The following MCF2L2 variants were observed in gnomAD, a reference collection of about 807,000 sequenced individuals.
MCF2L2 encodes the protein probable guanine nucleotide exchange factor MCF2L2.
Under a neutral mutation model 150.2 loss-of-function variants are expected in MCF2L2, and 102 were observed. The observed-to-expected ratio is 0.68, with a 90% CI of 0.58 to 0.80. The LOEUF is 0.80. MCF2L2 is among the 30% of genes least tolerant of loss of function. MCF2L2 has a pLI of 0.00. For missense variants in MCF2L2, 1,256 were observed against 1,372.8 expected, an observed-to-expected ratio of 0.91 and a Z score of 1.34; for synonymous variants, 465 against 491.3, an observed-to-expected ratio of 0.95 and a Z score of 0.71.
rs950582033 is a variant in MCF2L2 at position 183,256,470 on chromosome 3, A to G, written c.1862+20402T>C. Among the ~76,000 whole-genome samples the G allele has an allele frequency of 3.3e-5, 5 of 152,364 alleles. No individual in the cohort carries two copies. In the East Asian group the frequency reaches 9.6e-4, roughly 29 times the overall value. On this transcript the variant is annotated intron_variant, in intron 15 of 29. Coordinates refer to ENST00000328913, the MANE Select transcript of MCF2L2 (RefSeq NM_015078.4). ...TTGAATAAAAAAGCGATTTTTTAGA[A>G]ACATTTTAATTCTACAAATTCAGTT...
chr3:183,366,337 G>A (rs908458995), intron 3 of MCF2L2, among the ~76,000 whole-genome samples: 6 of 152,052 alleles, frequency 3.9e-5, no homozygotes, highest in Non-Finnish European at 7.4e-5. Flanking sequence ...AATGTTCAAG[G>A]TACTGTTAAG....
At chr3:183,210,192 T>G (rs1668107501) in intron 22 of MCF2L2, among the ~76,000 whole-genome samples, 1 of 152,164 alleles carries the variant, frequency 6.6e-6, no homozygotes. Flanking sequence ...GAGGATCACT[T>G]GAGTCCAGGA....
chr3:183,337,106 A>T (rs1489095640), intron 5 of MCF2L2, among the ~76,000 whole-genome samples: 1 of 151,846 alleles, frequency 6.6e-6, no homozygotes, highest in Non-Finnish European at 1.5e-5. Context: ...TCAGTACTTC[A>T]CTCTTTTTTA....
intron 1 of MCF2L2, among the ~76,000 whole-genome samples, chr3:183,424,367 T>C (rs1435134635): frequency 1.3e-5 from 2 of 152,230 alleles, no homozygotes; most frequent in Non-Finnish European, 2.9e-5. Flanking sequence ...TCATGTTTAC[T>C]TTCAAATGGG....
intron 5 of MCF2L2, among the ~76,000 whole-genome samples, chr3:183,331,964 G>C (rs183491084): frequency 2.6e-5 from 4 of 152,134 alleles, no homozygotes; most frequent in Non-Finnish European, 5.9e-5. Flanking sequence ...TTACATCCTT[G>C]ACCCACCTGA....
At position 183,380,259 on chromosome 3, in the gene MCF2L2, C is replaced by T. The variant is rs77818434; in HGVS notation, c.161-848G>A. On this transcript the variant is annotated intron_variant, in intron 2 of 29. Coordinates refer to ENST00000328913, the MANE Select transcript of MCF2L2 (RefSeq NM_015078.4). ...TAGCCCCACAGTCCCCAAACTGTGT[C>T]GCAGGTAAGCAGGGAACCACAGTAA... 6.8e-3 allele frequency among the ~76,000 whole-genome samples: 1,039 copies of T among 152,234 alleles called. 13 individuals carry two copies. Among genetic ancestry groups the T allele is most frequent in the African/African-American group, 0.024 (981 of 41,520 alleles).
At chr3:183,412,924 T>C (rs779252257) in intron 1 of MCF2L2, among the ~76,000 whole-genome samples, 8 of 152,204 alleles carry the variant, frequency 5.3e-5, no homozygotes, top group Non-Finnish European at 1.0e-4. Context: ...TGTTTGTTTT[T>C]TATCAAGATA....
rs143229104 is a variant in MCF2L2 at position 183,305,251 on chromosome 3, T to C, written c.1113+4465A>G. On this transcript the variant is annotated intron_variant, in intron 10 of 29. Transcript: ENST00000328913. This position sits in a 1 kb window ranked among gnomAD's most constrained non-coding sequence, Gnocchi z 4.1. ...GTTCTGCCTAAACTTAGAGACCTCA[T>C]TTGGTTGCTCGAACTTGTCTGACTT... 0.013 allele frequency among the ~76,000 whole-genome samples: 1,988 copies of C among 152,200 alleles called. 22 individuals carry two copies. The highest frequency in any genetic ancestry group is 0.019 in the Non-Finnish European group (1,285 of 68,002).
intron 15 of MCF2L2, among the ~76,000 whole-genome samples, chr3:183,244,609 T>C (rs1478733811): frequency 6.6e-6 from 1 of 152,196 alleles, no homozygotes; most frequent in Admixed American, 6.5e-5. Context: ...TAAAAGCAGA[T>C]ATAAACTTAA....
intron 16 of MCF2L2, among the ~76,000 whole-genome samples, chr3:183,230,710 C>T (rs1043711722): frequency 6.6e-6 from 1 of 152,098 alleles, no homozygotes; most frequent in African/African-American, 2.4e-5. Flanking sequence ...GATGGTAAAC[C>T]TATTTGGGCT....
At chr3:183,204,887 A>G (rs1180898484) in intron 25 of MCF2L2, among the ~76,000 whole-genome samples, 1 of 152,332 alleles carries the variant, frequency 6.6e-6, no homozygotes, top group East Asian at 1.9e-4. Context: ...ACGCAAAGTG[A>G]AAGAAGCTAG....
chr3:183,365,902 G>A (rs988827648), intron 3 of MCF2L2, among the ~76,000 whole-genome samples: 2 of 151,796 alleles, frequency 1.3e-5, no homozygotes, highest in South Asian at 2.1e-4. Context: ...AAAAAAATGA[G>A]AGAAAAATAA....
At chr3:183,338,689 C>T in intron 5 of MCF2L2, 111 bp downstream of exon 5, 1 of 1,137,494 alleles carries the variant, frequency 8.8e-7, no homozygotes, top group Non-Finnish European at 1.2e-6. Flanking sequence ...CCCAGAGAAC[C>T]CTTTTCTCCC....
At chr3:183,210,489 A>T (rs560323994) in intron 22 of MCF2L2, among the ~76,000 whole-genome samples, 36 of 152,310 alleles carry the variant, frequency 2.4e-4, no homozygotes, top group African/African-American at 8.2e-4. Flanking sequence ...CATAAGAAAC[A>T]TTTCTCCCAG....
At chr3:183,278,943 TG>T (rs1245188769) in intron 14 of MCF2L2, among the ~76,000 whole-genome samples, 1 of 152,174 alleles carries the variant, frequency 6.6e-6, no homozygotes, top group African/African-American at 2.4e-5. Flanking sequence ...AGATGGCTGG[TG>T]TGGAGGTAGA....
chr3:183,255,443 T>C (rs1398456464), intron 15 of MCF2L2, among the ~76,000 whole-genome samples: 1 of 152,244 alleles, frequency 6.6e-6, no homozygotes, highest in East Asian at 1.9e-4. Context: ...GTACTTAACC[T>C]GCTTGTCCTT....
At chr3:183,193,270 C>G (rs1279638827) in intron 26 of MCF2L2, among the ~76,000 whole-genome samples, 174 bp from the exon 27 acceptor site, 1 of 152,120 alleles carries the variant, frequency 6.6e-6, no homozygotes, top group South Asian at 2.1e-4. Flanking sequence ...GTAGGTGATA[C>G]GCAGTAAGGA....
At chr3:183,253,025 T>C (rs1252664042) in intron 15 of MCF2L2, among the ~76,000 whole-genome samples, 2 of 152,238 alleles carry the variant, frequency 1.3e-5, no homozygotes, top group Non-Finnish European at 2.9e-5. Context: ...GGCTTCCAGT[T>C]GGCCATTTGA....
Position 183,376,120 on chromosome 3 carries a change from C to T in MCF2L2, c.275+3177G>A, listed in dbSNP as rs531593285. The T allele has an allele frequency of 2.0e-5, 3 of 152,336 alleles. No individual in the cohort carries two copies. In the East Asian group the frequency reaches 5.8e-4, roughly 29 times the overall value. 9.4% of individuals were successfully genotyped at this position (152,336 alleles called of 1,614,324 possible). ...GGAAAAGAAAATATTCCCTAGGTCACAAGAAATTGTACCAGGAGCCTACAG... is the reference window on the plus strand; with the variant it reads ...GGAAAAGAAAATATTCCCTAGGTCATAAGAAATTGTACCAGGAGCCTACAG... On this transcript the variant is annotated intron_variant, in intron 3 of 29. Transcript: ENST00000328913.
Sources: allele counts gnomAD v4.1 joint callset (sites outside exome capture counted in the v4.1 genomes callset), GRCh38; gene constraint gnomAD v4.1.1; non-coding constraint Gnocchi (gnomAD v3.1); transcripts MANE v1.5; gene names NCBI Gene and HGNC (gene_info 2026-07-23, HGNC 2026-07-21).